Variants in KCNQ5 observed in about 807,000 individuals in gnomAD.
KCNQ5 encodes the protein potassium voltage-gated channel subfamily KQT member 5.
In KCNQ5, 30 loss-of-function variants were observed where a neutral mutation model predicts 98.2. The ratio of observed to expected loss-of-function variants is 0.31; its 90% CI spans 0.23 to 0.41. The LOEUF (loss-of-function observed/expected upper bound fraction) is 0.41, where lower values mean the gene tolerates loss of function less well. Ranked by LOEUF, KCNQ5 falls within the 10% of genes least tolerant of loss-of-function variation. KCNQ5 has a pLI of 1.00. For missense variants in KCNQ5, 835 were observed against 1,182.5 expected, an observed-to-expected ratio of 0.71 and a Z score of 4.31; for synonymous variants, 458 against 449.4, an observed-to-expected ratio of 1.02 and a Z score of -0.24.
chr6:72,783,203 G>A (rs1773574423), intron 1 of KCNQ5, among the ~76,000 whole-genome samples: 2 of 152,032 alleles, frequency 1.3e-5, no homozygotes, highest in South Asian at 4.2e-4. Context: ...ATGGTGGAGG[G>A]GGTTATGTAA....
chr6:72,815,506 T>C (rs1283483337), intron 1 of KCNQ5, among the ~76,000 whole-genome samples: 3 of 152,112 alleles, frequency 2.0e-5, no homozygotes, highest in East Asian at 1.9e-4. Context: ...GTGAGCAGTT[T>C]AGTTTGACGA....
intron 1 of KCNQ5, among the ~76,000 whole-genome samples, chr6:72,955,200 C>T (rs1395403072): frequency 6.6e-6 from 1 of 152,206 alleles, no homozygotes; most frequent in East Asian, 1.9e-4. Context: ...TCACTCACAA[C>T]AGTTCCTAAA....
rs1262432275 is a variant in KCNQ5, at chr6:73,187,009, T to A, written c.1578-3564T>A. Among the ~76,000 whole-genome samples the A allele has an allele frequency of 3.3e-5, 5 of 152,086 alleles. No homozygotes were observed. The East Asian group carries it at 9.7e-4, about 29-fold the overall frequency. On this transcript the variant is annotated intron_variant, in intron 11 of 13. Transcript: ENST00000370398. The stretch of plus-strand genomic sequence containing the variant: ...CCCTGTGCCCAAGTGTTCTCATTGT[T>A]CAATTCCCACCTATGAGTGAGAATA...
chr6:72,659,588 C>T (rs543311314), intron 1 of KCNQ5, among the ~76,000 whole-genome samples: 1 of 152,282 alleles, frequency 6.6e-6, no homozygotes, highest in Non-Finnish European at 1.5e-5. Context: ...GTTACAGCGT[C>T]CTCTGAAGGG....
At chr6:72,866,182 T>C (rs1230474398) in intron 1 of KCNQ5, among the ~76,000 whole-genome samples, 1 of 151,978 alleles carries the variant, frequency 6.6e-6, no homozygotes, top group Non-Finnish European at 1.5e-5. Flanking sequence ...GGAGTCTTCA[T>C]GTTTGCAACT....
chr6:72,814,088 G>A (rs1003184297), intron 1 of KCNQ5, among the ~76,000 whole-genome samples: 8 of 152,188 alleles, frequency 5.3e-5, no homozygotes, highest in African/African-American at 1.4e-4. Context: ...GAGCAAGAGC[G>A]TGGCCCAGTG....
chr6:73,052,463 CA>C (rs778003362), intron 3 of KCNQ5, among the ~76,000 whole-genome samples: 2 of 152,080 alleles, frequency 1.3e-5, no homozygotes, highest in Non-Finnish European at 2.9e-5. Flanking sequence ...CAAAACAAAA[CA>C]AAAAATGTTA....
At chr6:72,628,935 TAACAG>T (rs971603895) in intron 1 of KCNQ5, among the ~76,000 whole-genome samples, 1 of 152,104 alleles carries the variant, frequency 6.6e-6, no homozygotes, top group Admixed American at 6.6e-5. Flanking sequence ...CCTAAAGACT[TAACAG>T]AACACATCAC....
intron 1 of KCNQ5, among the ~76,000 whole-genome samples, chr6:72,966,385 C>T (rs1371340790): frequency 2.0e-5 from 3 of 151,352 alleles, no homozygotes. Flanking sequence ...ATGGTGAAAC[C>T]CTGTCTCTAT....
chr6:72,753,961 T>C (rs1028191874), intron 1 of KCNQ5, among the ~76,000 whole-genome samples: 1 of 152,126 alleles, frequency 6.6e-6, no homozygotes, highest in Non-Finnish European at 1.5e-5. Context: ...GACAATCATG[T>C]GGTCTCCAAA....
chr6:72,888,711 C>T (rs1778943983), intron 1 of KCNQ5, among the ~76,000 whole-genome samples: 1 of 152,098 alleles, frequency 6.6e-6, no homozygotes, highest in Non-Finnish European at 1.5e-5. Context: ...TAATAAATTT[C>T]CAGTTCCACT....
At chr6:73,064,976 T>C (rs1772981314) in intron 3 of KCNQ5, among the ~76,000 whole-genome samples, 2 of 151,910 alleles carry the variant, frequency 1.3e-5, no homozygotes, top group South Asian at 2.1e-4. Context: ...TGAAATTAAA[T>C]GTTTGTGATC....
chr6:72,725,326 A>T (rs1011994895), intron 1 of KCNQ5, among the ~76,000 whole-genome samples: 3 of 152,174 alleles, frequency 2.0e-5, no homozygotes, highest in Admixed American at 2.0e-4. Flanking sequence ...CTATGCTTGT[A>T]CAAGTTTTCC....
At chr6:73,194,093 C>A (rs569207720) in intron 13 of KCNQ5, among the ~76,000 whole-genome samples, 64 of 152,240 alleles carry the variant, frequency 4.2e-4, no homozygotes, top group African/African-American at 1.4e-3. Context: ...GCCTCAGTTT[C>A]CCAAAGTGCT....
At chr6:72,628,989 C>G (rs2098919396) in intron 1 of KCNQ5, among the ~76,000 whole-genome samples, 1 of 152,088 alleles carries the variant, frequency 6.6e-6, no homozygotes. Flanking sequence ...TATTGCTTGT[C>G]TCTCCCCTCA....
intron 5 of KCNQ5, among the ~76,000 whole-genome samples, chr6:73,102,682 G>A (rs1774836451): frequency 6.6e-6 from 1 of 152,100 alleles, no homozygotes; most frequent in Non-Finnish European, 1.5e-5. Context: ...AAATCAAACT[G>A]CAATGAGATA....
chr6:72,770,440 T>C (rs1415705798), intron 1 of KCNQ5, among the ~76,000 whole-genome samples: 1 of 152,066 alleles, frequency 6.6e-6, no homozygotes, highest in East Asian at 1.9e-4. Flanking sequence ...TAAAATATAA[T>C]GAAACAAAAT....
intron 1 of KCNQ5, among the ~76,000 whole-genome samples, chr6:72,970,770 T>C (rs1200310514): frequency 6.6e-6 from 1 of 152,222 alleles, no homozygotes; most frequent in Non-Finnish European, 1.5e-5. Context: ...ATTTAACAGA[T>C]GGTGCTGGGA....
chr6:72,761,898 C>G (rs1772302869), intron 1 of KCNQ5, among the ~76,000 whole-genome samples: 2 of 152,018 alleles, frequency 1.3e-5, no homozygotes, highest in Admixed American at 1.3e-4. Context: ...ACGTAGAAGT[C>G]CCCCAGATTC....
Sources: gnomAD v4.1 joint callset for allele counts (sites outside exome capture counted in the v4.1 genomes callset) on GRCh38, gnomAD v4.1.1 for gene constraint, MANE v1.5 for transcripts, NCBI Gene and HGNC (gene_info 2026-07-23, HGNC 2026-07-21) for gene names.